The following NLGN1 variants were observed in gnomAD, a reference collection of about 807,000 sequenced individuals.
The protein encoded by NLGN1 is neuroligin-1.
NLGN1 carries 12 observed loss-of-function variants against 65.5 expected under a neutral mutation model. That is an observed-to-expected ratio of 0.18 (90% CI 0.12 to 0.30). The LOEUF (loss-of-function observed/expected upper bound fraction) is 0.30. Among genes scored for constraint, NLGN1 ranks in the 10% least tolerant of loss-of-function variants. The pLI, the probability that NLGN1 is intolerant of heterozygous loss-of-function variation, is 1.00. For missense variants in NLGN1, 750 were observed against 1,007.1 expected, an observed-to-expected ratio of 0.74 and a Z score of 3.46; for synonymous variants, 350 against 359.5, an observed-to-expected ratio of 0.97 and a Z score of 0.30.
intron 4 of NLGN1, among the ~76,000 whole-genome samples, chr3:174,106,276 T>C (rs1252147037): frequency 6.6e-6 from 1 of 152,082 alleles, no homozygotes; most frequent in Non-Finnish European, 1.5e-5. Context: ...GCATTATGCC[T>C]GGTATATATA....
At chr3:173,590,474 G>C (rs986291633) in intron 2 of NLGN1, among the ~76,000 whole-genome samples, 1 of 152,114 alleles carries the variant, frequency 6.6e-6, no homozygotes, top group Non-Finnish European at 1.5e-5. Context: ...TACTGTACTA[G>C]TAGTCTGTAT....
chr3:173,476,969 A>G (rs569954191), intron 2 of NLGN1, among the ~76,000 whole-genome samples: 1 of 152,138 alleles, frequency 6.6e-6, no homozygotes, highest in African/African-American at 2.4e-5. Flanking sequence ...ACTGATTAAG[A>G]TAAAGAAGGA....
intron 3 of NLGN1, among the ~76,000 whole-genome samples, chr3:173,728,381 T>C (rs1027546845): frequency 6.6e-6 from 1 of 152,090 alleles, no homozygotes; most frequent in Admixed American, 6.6e-5. Flanking sequence ...TTTGCATGTA[T>C]GTATGGGAGG....
chr3:174,054,421 G>T (rs1735582797), intron 4 of NLGN1, among the ~76,000 whole-genome samples: 1 of 151,968 alleles, frequency 6.6e-6, no homozygotes, highest in Admixed American at 6.6e-5. Context: ...TTACAATTTT[G>T]AAAGAATAAT....
intron 4 of NLGN1, among the ~76,000 whole-genome samples, chr3:173,934,945 T>C (rs2152294718): frequency 6.6e-6 from 1 of 152,176 alleles, no homozygotes; most frequent in Middle Eastern, 3.4e-3. Flanking sequence ...GTTTCAAAAA[T>C]TTATTGCAAC....
At chr3:173,968,687 CTTTTTTTTTTTTTTTTTTTT>C (rs34662762) in intron 4 of NLGN1, among the ~76,000 whole-genome samples, 1 of 59,444 alleles carries the variant, frequency 1.7e-5, no homozygotes, top group South Asian at 8.3e-4. Context: ...TGAAAATAAT[CTTTTTTTTTTTTTTTTTTTT>C]TTTTTTTTTG....
chr3:173,831,754 T>C (rs1301292764), intron 4 of NLGN1, among the ~76,000 whole-genome samples: 1 of 152,154 alleles, frequency 6.6e-6, no homozygotes, highest in African/African-American at 2.4e-5. Context: ...TTTAAAACTT[T>C]TTAAGTGAGA....
intron 4 of NLGN1, among the ~76,000 whole-genome samples, chr3:174,190,938 C>T (rs1456989648): frequency 6.6e-6 from 1 of 151,948 alleles, no homozygotes; most frequent in Non-Finnish European, 1.5e-5. Context: ...TGACTGGGGG[C>T]CGAGATCTCT....
chr3:173,460,111 C>T lies in NLGN1; in HGVS notation c.-321+25033C>T, dbSNP rs1200613163. Among the ~76,000 whole-genome samples the T allele has an allele frequency of 3.3e-5, 5 of 152,036 alleles. No individual in the cohort carries two copies. The East Asian group carries it at 9.7e-4, about 29-fold the overall frequency. On this transcript the variant is annotated intron_variant, in intron 2 of 6. Transcript: ENST00000457714. ...GAGAGCTACTAATGTAGGCCTGGTACTGTGTTAATAAGAGTTAATTGAAAA... is the reference window on the plus strand; with the variant it reads ...GAGAGCTACTAATGTAGGCCTGGTATTGTGTTAATAAGAGTTAATTGAAAA...
intron 1 of NLGN1, among the ~76,000 whole-genome samples, chr3:173,408,394 G>A (rs1711739517): frequency 1.3e-5 from 2 of 152,084 alleles, no homozygotes; most frequent in South Asian, 4.1e-4. Context: ...GGTCTGAGGG[G>A]CAATTTCAAG....
intron 4 of NLGN1, among the ~76,000 whole-genome samples, chr3:173,874,919 G>C (rs1560537303): frequency 6.6e-6 from 1 of 152,156 alleles, no homozygotes; most frequent in Non-Finnish European, 1.5e-5. Flanking sequence ...CTGAGCCCTA[G>C]GACTATTGCC....
chr3:173,662,460 A>G (rs1431103517), intron 3 of NLGN1, among the ~76,000 whole-genome samples: 1 of 152,056 alleles, frequency 6.6e-6, no homozygotes, highest in Non-Finnish European at 1.5e-5. Context: ...GTTTAATTTC[A>G]TGAAGTATAT....
intron 3 of NLGN1, chr3:173,644,183 A>G (rs906110110): frequency 6.6e-6 from 1 of 152,514 alleles, no homozygotes; most frequent in African/African-American, 2.4e-5. Context: ...AAGCTTTCCC[A>G]GGACTGAGAT....
At chr3:173,518,795 A>G (rs900121840) in intron 2 of NLGN1, among the ~76,000 whole-genome samples, 12 of 152,288 alleles carry the variant, frequency 7.9e-5, no homozygotes, top group Middle Eastern at 3.4e-3. Context: ...GGTAGAAAAG[A>G]AAAATCCATT....
chr3:173,413,800 T>C (rs1713101091), intron 1 of NLGN1, among the ~76,000 whole-genome samples: 1 of 152,060 alleles, frequency 6.6e-6, no homozygotes, highest in Admixed American at 6.5e-5. Context: ...GCCCTGGAGC[T>C]AAACATACCA....
intron 2 of NLGN1, among the ~76,000 whole-genome samples, chr3:173,537,385 A>G (rs1187767952): frequency 6.6e-6 from 1 of 152,134 alleles, no homozygotes; most frequent in African/African-American, 2.4e-5. Flanking sequence ...AGTAATGTTA[A>G]CTTTTCTCCT....
intron 3 of NLGN1, among the ~76,000 whole-genome samples, chr3:173,732,351 T>G (rs1364295617): frequency 6.6e-6 from 1 of 152,150 alleles, no homozygotes; most frequent in Non-Finnish European, 1.5e-5. Flanking sequence ...ACATCACGTT[T>G]TAAACAAACA....
intron 4 of NLGN1, among the ~76,000 whole-genome samples, chr3:173,851,768 A>C (rs1024360491): frequency 5.3e-5 from 8 of 152,084 alleles, no homozygotes; most frequent in Non-Finnish European, 1.2e-4. Flanking sequence ...AAGAGGGAGC[A>C]CCCTTCTATT....
At chr3:174,141,880 AAC>A (rs1222160080) in intron 4 of NLGN1, among the ~76,000 whole-genome samples, 3 of 152,244 alleles carry the variant, frequency 2.0e-5, no homozygotes, top group African/African-American at 7.2e-5. Flanking sequence ...TTAAATGTTA[AAC>A]ACATGAAAAA....
Sources: allele counts gnomAD v4.1 joint callset (sites outside exome capture counted in the v4.1 genomes callset), GRCh38; gene constraint gnomAD v4.1.1; transcripts MANE v1.5; gene names NCBI Gene and HGNC (gene_info 2026-07-23, HGNC 2026-07-21).